SOS2: variants seen among roughly 807,000 people sequenced by gnomAD.
The protein encoded by SOS2 is SOS Ras/Rho guanine nucleotide exchange factor 2.
SOS2 carries 65 observed loss-of-function variants against 148.2 expected under a neutral mutation model. That is an observed-to-expected ratio of 0.44 (90% CI 0.36 to 0.54). SOS2 has a LOEUF of 0.54. Among genes scored for constraint, SOS2 ranks in the 20% least tolerant of loss-of-function variants. The probability of loss-of-function intolerance (pLI) is 0.00; values close to 1 mark genes in which losing one functional copy is unlikely to be tolerated. For missense variants in SOS2, 1,341 were observed against 1,590.2 expected (o/e 0.84, Z 2.67); for synonymous variants, 539 against 537.1 (o/e 1.00, Z -0.05).
rs542315172 is a variant in SOS2, at chr14:50,136,292, A to G, written c.2959-2053T>C. 2.0e-5 allele frequency among the ~76,000 whole-genome samples: 3 copies of G among 152,324 alleles called. No homozygotes were observed. In the East Asian group the frequency reaches 5.8e-4, roughly 29 times the overall value. ...TGAATAGCTACTTTGTCTACATTTT[A>G]AATTTATTTTGTTTGACTCAATCAT... On this transcript the variant is annotated intron_variant, in intron 18 of 22. Transcript: ENST00000216373.
intron 4 of SOS2, among the ~76,000 whole-genome samples, chr14:50,195,669 G>A (rs1324536776): frequency 6.6e-6 from 1 of 152,138 alleles, no homozygotes; most frequent in Non-Finnish European, 1.5e-5. Context: ...GCTGAGGCAG[G>A]AGGATTGCCT....
Position 50,182,684 on chromosome 14 carries a change from T to C in SOS2, c.715-78A>G, listed in dbSNP as rs376584913. ...AAATTACTAAATATAAAGAGCAATA[T>C]AGGCTACTCGAGGCAGACTGCCTAT... On this transcript the variant is annotated intron_variant, in intron 5 of 22. Transcript: ENST00000216373. 3.5e-5 allele frequency: 42 copies of C among 1,192,376 alleles called. No homozygotes were observed. The South Asian group carries it at 5.4e-4, about 15-fold the overall frequency. 73.9% of individuals were successfully genotyped at this position (1,192,376 alleles called of 1,614,324 possible).
chr14:50,147,708 T>A lies in SOS2; in HGVS notation c.2385-2112A>T, dbSNP rs188665123. Among the ~76,000 whole-genome samples the A allele has an allele frequency of 1.8e-3, 276 of 152,318 alleles. 1 individual carries two copies. The highest frequency in any genetic ancestry group is 3.2e-3 in the Non-Finnish European group (216 of 68,028). ...AGGATTTCAATTTTATCTAAAATGT[T>A]TTTGTTGTTCATGAATATTCATTAT... On this transcript the variant is annotated intron_variant, in intron 14 of 22. Transcript: ENST00000216373.
chr14:50,146,134 CAAAAAAAA>C (rs775495958), intron 14 of SOS2, among the ~76,000 whole-genome samples: 3 of 85,182 alleles, frequency 3.5e-5, no homozygotes, highest in South Asian at 3.9e-4. Context: ...GCTCTGTCTC[CAAAAAAAA>C]AAAAAAAAAA....
At chr14:50,139,885 C>G (rs1884212498) in intron 17 of SOS2, 57 bp downstream of exon 17, 2 of 794,678 alleles carry the variant, frequency 2.5e-6, no homozygotes, top group Admixed American at 3.8e-5. Context: ...CTGAAGACTG[C>G]TCTCTTTTGG....
Position 50,118,866 on chromosome 14 carries a change from A to AG in SOS2, c.3490-14dup. The AG allele has an allele frequency of 7.0e-7, 1 of 1,436,922 alleles. No homozygotes were observed. The highest frequency in any genetic ancestry group is 9.2e-7 in the Non-Finnish European group (1 of 1,082,006). 89.0% of individuals were successfully genotyped at this position (1,436,922 alleles called of 1,614,324 possible). On this transcript the variant is annotated splice_polypyrimidine_tract_variant and intron_variant, in intron 22 of 22. Transcript: ENST00000216373. ...ATTTCATATTTCCCTCAAAAAAAAA[A>AG]GTAATTAAATTATACCTCTATTCTG...
intron 14 of SOS2, among the ~76,000 whole-genome samples, chr14:50,148,599 T>G (rs1401635058): frequency 6.6e-6 from 1 of 152,092 alleles, no homozygotes; most frequent in Non-Finnish European, 1.5e-5. Context: ...AACAAGTCCC[T>G]TCATTTCTAC....
intron 4 of SOS2, among the ~76,000 whole-genome samples, chr14:50,190,958 C>T (rs1251622941): frequency 6.6e-6 from 1 of 152,190 alleles, no homozygotes; most frequent in Non-Finnish European, 1.5e-5. Flanking sequence ...AGAAGAGCTA[C>T]CACCCTCTTC....
intron 1 of SOS2, among the ~76,000 whole-genome samples, chr14:50,224,340 C>T (rs1887297550): frequency 6.8e-6 from 1 of 146,064 alleles, no homozygotes; most frequent in Admixed American, 6.9e-5. Context: ...CACACACACA[C>T]ACACACACAC....
chr14:50,164,875 G>A (rs573466610), intron 8 of SOS2, among the ~76,000 whole-genome samples: 1 of 152,186 alleles, frequency 6.6e-6, no homozygotes, highest in South Asian at 2.1e-4. Context: ...AGTTGTAAAA[G>A]TAACACAAAT....
rs372812337 is a variant in SOS2, at chr14:50,147,037, T to A, written c.2385-1441A>T. On this transcript the variant is annotated intron_variant, in intron 14 of 22. Coordinates refer to ENST00000216373, the MANE Select transcript of SOS2 (RefSeq NM_006939.4). Reference sequence around the variant, plus strand: ...ATAATGAGATCCTATCTCAAAAAAATAAAACAAAAAAAAAAACAGGCACAG... The same window carrying A: ...ATAATGAGATCCTATCTCAAAAAAAAAAAACAAAAAAAAAAACAGGCACAG... Among the ~76,000 whole-genome samples, 528 of 128,164 alleles carry A rather than the reference T, an allele frequency of 4.1e-3. 4 individuals are homozygous for A. Among genetic ancestry groups the A allele is most frequent in the African/African-American group, 9.6e-3 (358 of 37,308 alleles). The allele number at this position is 128,164 out of a possible 152,430, so 84.1% of individuals were successfully genotyped here.
At chr14:50,135,404 CA>C (rs1566821611) in intron 18 of SOS2, among the ~76,000 whole-genome samples, 1 of 149,530 alleles carries the variant, frequency 6.7e-6, no homozygotes, top group African/African-American at 2.5e-5. Context: ...TTAGCACTGC[CA>C]AAAAAAGAGA....
intron 1 of SOS2, among the ~76,000 whole-genome samples, chr14:50,210,440 C>G (rs909824977): frequency 2.6e-5 from 4 of 152,056 alleles, no homozygotes; most frequent in African/African-American, 9.7e-5. Flanking sequence ...AAAGCTCTGA[C>G]AGTGTAAAAC....
chr14:50,199,198 G>A (rs1179625797), intron 4 of SOS2, among the ~76,000 whole-genome samples: 2 of 151,998 alleles, frequency 1.3e-5, no homozygotes, highest in Non-Finnish European at 2.9e-5. Flanking sequence ...GAATATAGAA[G>A]AATATGGAAG....
At chr14:50,162,690 T>A (rs1641967882) in intron 8 of SOS2, among the ~76,000 whole-genome samples, 1 of 152,160 alleles carries the variant, frequency 6.6e-6, no homozygotes, top group South Asian at 2.1e-4. Context: ...TCCACTGCTA[T>A]TTTTTACAAT....
intron 4 of SOS2, among the ~76,000 whole-genome samples, chr14:50,199,207 A>G (rs1886406103): frequency 6.6e-6 from 1 of 152,176 alleles, no homozygotes. Flanking sequence ...AGAATATGGA[A>G]GACTCAATTT....
chr14:50,215,463 G>A (rs773308231), intron 1 of SOS2: 44 of 1,246,600 alleles, frequency 3.5e-5, no homozygotes, highest in Admixed American at 9.2e-5. Flanking sequence ...AAATTACCAC[G>A]ACAGAACCAA....
At chr14:50,179,960 A>G (rs1885677601) in intron 7 of SOS2, among the ~76,000 whole-genome samples, 1 of 151,980 alleles carries the variant, frequency 6.6e-6, no homozygotes, top group South Asian at 2.1e-4. Flanking sequence ...TATAGGGAAC[A>G]TAATCCTGAA....
intron 21 of SOS2, among the ~76,000 whole-genome samples, chr14:50,129,598 G>A (rs1883801515): frequency 6.6e-6 from 1 of 152,146 alleles, no homozygotes; most frequent in Non-Finnish European, 1.5e-5. Context: ...TGTTGGCCAG[G>A]CTGGTCTTGA....
Sources: allele counts gnomAD v4.1 joint callset (sites outside exome capture counted in the v4.1 genomes callset), GRCh38; gene constraint gnomAD v4.1.1; transcripts MANE v1.5; gene names NCBI Gene and HGNC (gene_info 2026-07-23, HGNC 2026-07-21).